The following TOX3 variants were observed in gnomAD, a reference collection of about 807,000 sequenced individuals.
The protein encoded by TOX3 is TOX high mobility group box family member 3, also known as CAG trinucleotide repeat-containing gene F9 protein.
In TOX3, 22 loss-of-function variants were observed where a neutral mutation model predicts 64.3. The ratio of observed to expected loss-of-function variants is 0.34; its 90% CI spans 0.24 to 0.49. The LOEUF is 0.49. Among genes scored for constraint, TOX3 ranks in the 20% least tolerant of loss-of-function variants. TOX3 has a pLI of 0.99. For missense variants in TOX3, 661 were observed against 714.4 expected (o/e 0.93, Z 0.85); for synonymous variants, 291 against 273.6 (o/e 1.06, Z -0.63).
intron 1 of TOX3, among the ~76,000 whole-genome samples, chr16:52,501,821 A>G (rs186724372): frequency 2.7e-4 from 41 of 152,316 alleles, no homozygotes; most frequent in Admixed American, 2.7e-3. Flanking sequence ...AAGCCTCCCT[A>G]TCGAGAATGG....
At chr16:52,440,153 CCTT>C (rs1959920199) in intron 6 of TOX3, among the ~76,000 whole-genome samples, 185 bp from the exon 7 acceptor site, 1 of 152,132 alleles carries the variant, frequency 6.6e-6, no homozygotes, top group Non-Finnish European at 1.5e-5. Flanking sequence ...TCCCCTACCT[CCTT>C]GAGTCTGGGC....
intron 1 of TOX3, among the ~76,000 whole-genome samples, chr16:52,469,830 A>C (rs1960988297): frequency 6.6e-6 from 1 of 151,866 alleles, no homozygotes; most frequent in Non-Finnish European, 1.5e-5. Flanking sequence ...TGAAGGACTT[A>C]CACCCAGAAG....
At chr16:52,507,971 T>A (rs1962205984) in intron 1 of TOX3, among the ~76,000 whole-genome samples, 2 of 152,242 alleles carry the variant, frequency 1.3e-5, no homozygotes, top group African/African-American at 4.8e-5. Flanking sequence ...TTTGCACAAC[T>A]ATAACAATAT....
intron 3 of TOX3, among the ~76,000 whole-genome samples, chr16:52,459,379 T>C (rs1960622997): frequency 6.6e-6 from 1 of 152,178 alleles, no homozygotes; most frequent in Non-Finnish European, 1.5e-5. Context: ...TCAGTAAATA[T>C]TCATTGAAGG....
At chr16:52,538,969 C>G (rs900169579) in intron 1 of TOX3, among the ~76,000 whole-genome samples, 1 of 147,778 alleles carries the variant, frequency 6.8e-6, no homozygotes, top group Non-Finnish European at 1.5e-5. Context: ...CAGGATTTTT[C>G]TTTTTTTTTT....
intron 1 of TOX3, among the ~76,000 whole-genome samples, chr16:52,521,916 G>C (rs948665423): frequency 6.6e-6 from 1 of 152,172 alleles, no homozygotes; most frequent in African/African-American, 2.4e-5. Context: ...TCTGGAACCT[G>C]CCTGTTGATT....
chr16:52,437,073 T>A lies in TOX3; in HGVS notation c.*2152A>T, dbSNP rs998492452. Reference sequence around the variant, plus strand: ...GCTAGCACATCATTTCTTTGTGGAATACAATCACTCCCTTGTAGATGTAAT... The same window carrying A: ...GCTAGCACATCATTTCTTTGTGGAAAACAATCACTCCCTTGTAGATGTAAT... On this transcript the variant is annotated 3_prime_UTR_variant, in exon 7 of 7. Transcript: ENST00000219746. The A allele has an allele frequency of 1.3e-5, 2 of 152,242 alleles. No homozygotes were observed. The highest frequency in any genetic ancestry group is 2.9e-5 in the Non-Finnish European group (2 of 68,044). 9.4% of individuals were successfully genotyped at this position (152,242 alleles called of 1,614,324 possible).
At chr16:52,443,014 G>A (rs987327780) in intron 6 of TOX3, among the ~76,000 whole-genome samples, 5 of 151,980 alleles carry the variant, frequency 3.3e-5, no homozygotes, top group Non-Finnish European at 5.9e-5. Flanking sequence ...TTGAGATACC[G>A]GATCTTGGTT....
At chr16:52,464,541 C>T (rs1960796653) in intron 2 of TOX3, among the ~76,000 whole-genome samples, 1 of 152,214 alleles carries the variant, frequency 6.6e-6, no homozygotes, top group African/African-American at 2.4e-5. Flanking sequence ...ACACTATCCA[C>T]ATGCTTTATA....
At chr16:52,519,275 C>T (rs1160757914) in intron 1 of TOX3, 3 of 933,314 alleles carry the variant, frequency 3.2e-6, no homozygotes, top group African/African-American at 3.3e-5. Context: ...TCATTATTCC[C>T]AACCACTTTC....
At chr16:52,453,557 G>A (rs139566145) in intron 3 of TOX3, among the ~76,000 whole-genome samples, 647 of 152,014 alleles carry the variant, frequency 4.3e-3, no homozygotes, top group Middle Eastern at 0.014. Context: ...CAAATTCTAG[G>A]GCACATTTAA....
chr16:52,513,745 G>C (rs1209171463), intron 1 of TOX3, among the ~76,000 whole-genome samples: 1 of 152,030 alleles, frequency 6.6e-6, no homozygotes, highest in Non-Finnish European at 1.5e-5. Context: ...TAAAATAAGG[G>C]GATGTTCACT....
intron 5 of TOX3, chr16:52,445,477 C>A (rs1960137078): frequency 6.6e-6 from 1 of 152,454 alleles, no homozygotes; most frequent in Non-Finnish European, 1.5e-5. Context: ...ACAAGCATGG[C>A]TAATTTCTGA....
At chr16:52,453,763 A>T (rs3095660) in intron 3 of TOX3, among the ~76,000 whole-genome samples, 110,174 of 152,018 alleles carry the variant, frequency 0.72, 40,915 homozygotes, top group East Asian at 0.88. Flanking sequence ...TCAGATGGCT[A>T]TCATGGCCAA....
chr16:52,538,186 G>A (rs1047754069), intron 1 of TOX3, among the ~76,000 whole-genome samples: 10 of 152,140 alleles, frequency 6.6e-5, no homozygotes, highest in African/African-American at 2.4e-4. Context: ...GGAGCAGCAC[G>A]ATGGATCTAC....
intron 4 of TOX3, 58 bp downstream of exon 4, chr16:52,450,219 A>G: frequency 6.3e-7 from 1 of 1,589,170 alleles, no homozygotes; most frequent in Non-Finnish European, 8.6e-7. Flanking sequence ...AAATTCAAAC[A>G]GCATGGGGTA....
At chr16:52,511,690 G>T (rs1210593481) in intron 1 of TOX3, among the ~76,000 whole-genome samples, 4 of 152,152 alleles carry the variant, frequency 2.6e-5, no homozygotes, top group African/African-American at 9.7e-5. Flanking sequence ...AGGACAGAAT[G>T]AATGCAGAGA....
chr16:52,535,680 G>A (rs902260737), intron 1 of TOX3, among the ~76,000 whole-genome samples: 1 of 152,050 alleles, frequency 6.6e-6, no homozygotes, highest in African/African-American at 2.4e-5. Flanking sequence ...GCTATTATGG[G>A]GGCCTCCTAT....
intron 1 of TOX3, among the ~76,000 whole-genome samples, chr16:52,526,716 T>C (rs1354261485): frequency 6.6e-6 from 1 of 152,210 alleles, no homozygotes; most frequent in Non-Finnish European, 1.5e-5. Context: ...AGGGTCACAG[T>C]GACAACTGCT....
Sources: gnomAD v4.1 joint callset for allele counts (sites outside exome capture counted in the v4.1 genomes callset) on GRCh38, gnomAD v4.1.1 for gene constraint, MANE v1.5 for transcripts, NCBI Gene and HGNC (gene_info 2026-07-23, HGNC 2026-07-21) for gene names.